Variants in ASXL1 observed in about 807,000 individuals in gnomAD.
ASXL1 encodes the protein polycomb group protein ASXL1.
ASXL1 carries 65 observed loss-of-function variants against 89.1 expected under a neutral mutation model. That is an observed-to-expected ratio of 0.73 (90% CI 0.60 to 0.90). The LOEUF is 0.90. Ranked by LOEUF, ASXL1 falls within the 40% of genes least tolerant of loss-of-function variation. The pLI is 0.00. For missense variants in ASXL1, 1,786 were observed against 1,942.9 expected (o/e 0.92, Z 1.52); for synonymous variants, 739 against 746.9 (o/e 0.99, Z 0.17).
Position 32,407,517 on chromosome 20 carries a change from C to G in ASXL1, c.253-20611C>G, listed in dbSNP as rs148687377. On this transcript the variant is annotated intron_variant, in intron 4 of 12. Coordinates refer to ENST00000375687, the MANE Select transcript of ASXL1 (RefSeq NM_015338.6). Reference sequence around the variant, plus strand: ...TTCCTCTGTCACCCACGCTAGAGTGCGGTAGCACAGTCACAACTCACCGCA... The same window carrying G: ...TTCCTCTGTCACCCACGCTAGAGTGGGGTAGCACAGTCACAACTCACCGCA... Among the ~76,000 whole-genome samples, 1,282 of 152,214 alleles carry G rather than the reference C, an allele frequency of 8.4e-3. 12 individuals are homozygous for G. The highest frequency in any genetic ancestry group is 0.01 in the Non-Finnish European group (689 of 68,016).
intron 4 of ASXL1, among the ~76,000 whole-genome samples, chr20:32,413,180 T>C (rs1038717170): frequency 1.3e-5 from 2 of 152,196 alleles, no homozygotes; most frequent in African/African-American, 4.8e-5. Context: ...GATTTTGTTG[T>C]TGTTGTTGTT....
chr20:32,380,464 C>A (rs2048468442), intron 4 of ASXL1, among the ~76,000 whole-genome samples: 1 of 151,982 alleles, frequency 6.6e-6, no homozygotes, highest in Admixed American at 6.6e-5. Flanking sequence ...TTTGCAAATG[C>A]CTTATTGCCA....
chr20:32,358,528 C>A lies in ASXL1; in HGVS notation c.-248C>A. The A allele has an allele frequency of 4.5e-6, 1 of 222,040 alleles. No individual in the cohort carries two copies. Among genetic ancestry groups the A allele is most frequent in the South Asian group, 1.6e-4 (1 of 6,140 alleles). The allele number at this position is 222,040 out of a possible 1,614,324, so 13.8% of individuals were successfully genotyped here. On this transcript the variant is annotated 5_prime_UTR_variant, in exon 1 of 13. Transcript: ENST00000375687. ...TCCTTAGCGATCGCGGGGCAGCCGCCGCTGCCGCCGTGGGCGACTGACGCA... is the reference window on the plus strand; with the variant it reads ...TCCTTAGCGATCGCGGGGCAGCCGCAGCTGCCGCCGTGGGCGACTGACGCA...
At chr20:32,372,625 T>G in intron 4 of ASXL1, 2 of 185,638 alleles carry the variant, frequency 1.1e-5, no homozygotes, top group Non-Finnish European at 2.2e-5. Flanking sequence ...GACAGAGTCT[T>G]GCTCTGTAAC....
chr20:32,424,260 T>A (rs1159635455), intron 4 of ASXL1, among the ~76,000 whole-genome samples: 4 of 152,114 alleles, frequency 2.6e-5, no homozygotes, highest in African/African-American at 9.7e-5. Flanking sequence ...CTAGGCTAGG[T>A]ACGGTGGCTC....
intron 8 of ASXL1, chr20:32,430,995 T>TG: frequency 1.9e-6 from 1 of 531,348 alleles, no homozygotes; most frequent in Non-Finnish European, 3.5e-6. Flanking sequence ...AGTTGAGCTT[T>TG]GTGGAGCCTG....
intron 4 of ASXL1, among the ~76,000 whole-genome samples, chr20:32,397,226 T>C (rs1266731925): frequency 2.5e-5 from 3 of 120,578 alleles, no homozygotes; most frequent in Non-Finnish European, 5.3e-5. Context: ...TTTTTTTTTT[T>C]GTGGGGTGAG....
At position 32,408,443 on chromosome 20, in the gene ASXL1, T is replaced by G. The variant is rs551769725; in HGVS notation, c.253-19685T>G. Among the ~76,000 whole-genome samples the G allele has an allele frequency of 9.8e-5, 15 of 152,318 alleles. No homozygotes were observed. In the East Asian group the frequency reaches 2.9e-3, roughly 29 times the overall value. On this transcript the variant is annotated intron_variant, in intron 4 of 12. Coordinates refer to ENST00000375687, the MANE Select transcript of ASXL1 (RefSeq NM_015338.6). Reference sequence around the variant, plus strand: ...TAATCTATCTATTTTTATACCAATATTTTACTCTCCTGATTTTAGTAAGTC... The same window carrying G: ...TAATCTATCTATTTTTATACCAATAGTTTACTCTCCTGATTTTAGTAAGTC...
Position 32,401,244 on chromosome 20 carries a change from G to A in ASXL1, c.253-26884G>A, listed in dbSNP as rs114095103. On this transcript the variant is annotated intron_variant, in intron 4 of 12. Transcript: ENST00000375687. ...AAGTTTTATCACGTGTATAGATTTCGTGTAATTATCACTAGTCAGGTTATA... is the reference window on the plus strand; with the variant it reads ...AAGTTTTATCACGTGTATAGATTTCATGTAATTATCACTAGTCAGGTTATA... 4.2e-3 allele frequency among the ~76,000 whole-genome samples: 633 copies of A among 152,182 alleles called. 2 individuals are homozygous for A. The highest frequency in any genetic ancestry group is 0.015 in the African/African-American group (611 of 41,506).
chr20:32,401,920 TA>T (rs1251898134), intron 4 of ASXL1, among the ~76,000 whole-genome samples: 2 of 152,164 alleles, frequency 1.3e-5, no homozygotes, highest in African/African-American at 2.4e-5. Flanking sequence ...AGATTAACAA[TA>T]ATAAAAAATT....
chr20:32,429,768 C>A lies in ASXL1; in HGVS notation c.566-133C>A. The A allele has an allele frequency of 7.7e-7, 1 of 1,297,316 alleles. No homozygotes were observed. Among genetic ancestry groups the A allele is most frequent in the Non-Finnish European group, 1.1e-6 (1 of 943,100 alleles). 80.4% of individuals were successfully genotyped at this position (1,297,316 alleles called of 1,614,324 possible). A position where few individuals can be genotyped will look rare whatever the true frequency, so the allele number is the denominator to read the frequency against. On this transcript the variant is annotated intron_variant, in intron 7 of 12. Transcript: ENST00000375687. The surrounding 1 kb of genome is among the most constrained non-coding windows in gnomAD (Gnocchi z 4.9). ...ACCATGAAGTGGTGGTTTCTCTCAG[C>A]CTAAGGCTGGGAGATGGAAGCATCC...
chr20:32,375,909 T>C (rs2048370426), intron 4 of ASXL1, among the ~76,000 whole-genome samples: 1 of 152,156 alleles, frequency 6.6e-6, no homozygotes, highest in African/African-American at 2.4e-5. Flanking sequence ...CTTGAACTCC[T>C]GGACTCGAAG....
chr20:32,390,565 T>TG (rs984071998), intron 4 of ASXL1, among the ~76,000 whole-genome samples: 10 of 151,908 alleles, frequency 6.6e-5, no homozygotes, highest in African/African-American at 2.4e-4. Context: ...CTCAAACTCC[T>TG]GGCCTTAAGT....
intron 11 of ASXL1, 146 bp downstream of exon 11, chr20:32,433,131 T>G: frequency 1.3e-6 from 2 of 1,530,746 alleles, no homozygotes; most frequent in Non-Finnish European, 1.8e-6. Flanking sequence ...CCATTCATAG[T>G]GAAGCTAACA....
At position 32,358,492 on chromosome 20, in the gene ASXL1, A is replaced by C. The variant is rs563366395; in HGVS notation, c.-284A>C. 7 of 230,366 alleles carry C rather than the reference A, an allele frequency of 3.0e-5. No homozygotes were observed. Among genetic ancestry groups the C allele is most frequent in the East Asian group, 1.8e-4 (3 of 16,476 alleles). The allele number at this position is 230,366 out of a possible 1,614,324, so 14.3% of individuals were successfully genotyped here. A position where few individuals can be genotyped will look rare whatever the true frequency, so the allele number is the denominator to read the frequency against. The stretch of plus-strand genomic sequence containing the variant: ...GACCTCTGACCCCGTGGTTATGCGG[A>C]GCCGCCGCATTCCTTAGCGATCGCG... On this transcript the variant is annotated 5_prime_UTR_variant, in exon 1 of 13. Coordinates refer to ENST00000375687, the MANE Select transcript of ASXL1 (RefSeq NM_015338.6).
chr20:32,428,321 C>T lies in ASXL1; in HGVS notation c.374-4C>T. ...GGACTAACCTTTATTTTCCTCTCTTCCAGTATCTCTTGATGAAACATCTTC... is the reference window on the plus strand; with the variant it reads ...GGACTAACCTTTATTTTCCTCTCTTTCAGTATCTCTTGATGAAACATCTTC... On this transcript the variant is annotated splice_polypyrimidine_tract_variant and splice_region_variant and intron_variant, in intron 5 of 12. Transcript: ENST00000375687. The T allele has an allele frequency of 6.2e-7, 1 of 1,614,172 alleles. No individual in the cohort carries two copies. The highest frequency in any genetic ancestry group is 8.5e-7 in the Non-Finnish European group (1 of 1,180,024).
At chr20:32,392,761 A>G (rs977432751) in intron 4 of ASXL1, among the ~76,000 whole-genome samples, 1 of 152,068 alleles carries the variant, frequency 6.6e-6, no homozygotes, top group Admixed American at 6.6e-5. Flanking sequence ...GTGTGATATT[A>G]TATTTTGGGA....
rs2011704676 is a variant in ASXL1, at chr20:32,434,868, AG to A, written c.2158del (p.Asp720ThrfsTer5). On this transcript the variant is annotated frameshift_variant, in exon 13 of 13. Coordinates refer to ENST00000375687, the MANE Select transcript of ASXL1 (RefSeq NM_015338.6). LOFTEE classifies it low-confidence loss of function (END_TRUNC). ...ACTGCCATGTCCAGAGCTAGGAGAG[AG>A]GACCTGCCTTCTCTGAGAAAGGAGG... The part of the protein sequence containing the change: ...AGTAMSRARR[E>X]DLPSLRKEES... 1 of 1,614,182 alleles carries A rather than the reference AG, an allele frequency of 6.2e-7. No homozygotes were observed. Among genetic ancestry groups the A allele is most frequent in the Non-Finnish European group, 8.5e-7 (1 of 1,180,032 alleles).
In ASXL1 at chr20:32,377,972, CTGTGTGTGTG is replaced by C. The variant is rs112878923; in HGVS notation, c.252+8871_252+8880del. On this transcript the variant is annotated intron_variant, in intron 4 of 12. Transcript: ENST00000375687. ...CTGGCCCCAAAATAAAGTTTTGACT[CTGTGTGTGTG>C]TGTGTGTGTGTGTGTGTGTGTTTTG... Among the ~76,000 whole-genome samples the C allele has an allele frequency of 3.5e-5, 4 of 115,400 alleles. 1 individual carries two copies. The Middle Eastern group carries it at 0.014, about 412-fold the overall frequency. The allele number at this position is 115,400 out of a possible 152,430, so 75.7% of individuals were successfully genotyped here.
Sources: gnomAD v4.1 joint callset for allele counts (sites outside exome capture counted in the v4.1 genomes callset) on GRCh38, gnomAD v4.1.1 for gene constraint, Gnocchi (gnomAD v3.1) non-coding constraint, MANE v1.5 for transcripts, NCBI Gene and HGNC (gene_info 2026-07-23, HGNC 2026-07-21) for gene names.